The following CCNY variants were observed in gnomAD, a reference collection of about 807,000 sequenced individuals.
The protein encoded by CCNY is cyclin-Y.
In CCNY, 19 loss-of-function variants were observed where a neutral mutation model predicts 42.8. The observed-to-expected ratio is 0.44, with a 90% CI of 0.31 to 0.65. The LOEUF (loss-of-function observed/expected upper bound fraction) is 0.65, where lower values mean the gene tolerates loss of function less well. Ranked by LOEUF, CCNY falls within the 30% of genes least tolerant of loss-of-function variation. CCNY has a pLI of 0.07. For missense variants in CCNY, 370 were observed against 437.3 expected, an observed-to-expected ratio of 0.85 and a Z score of 1.37; for synonymous variants, 165 against 162.7, an observed-to-expected ratio of 1.01 and a Z score of -0.11.
At chr10:35,458,503 A>G (rs953523124) in intron 1 of CCNY, among the ~76,000 whole-genome samples, 1 of 152,192 alleles carries the variant, frequency 6.6e-6, no homozygotes, top group African/African-American at 2.4e-5. Flanking sequence ...TTAGGGTGGC[A>G]CCTTAGTATT....
intron 3 of CCNY, among the ~76,000 whole-genome samples, chr10:35,503,420 TC>T (rs1202054800): frequency 1.3e-5 from 2 of 152,254 alleles, no homozygotes; most frequent in Non-Finnish European, 2.9e-5. Flanking sequence ...TGAACAGACC[TC>T]GCTGCAAATG....
chr10:35,548,647 G>A lies in CCNY; in HGVS notation c.580-4372G>A, dbSNP rs546532665. Reference sequence around the variant, plus strand: ...GTGGAAGTGGATCATCATAAAGGTTGTCATCCTGGTTGTTTTCGCGTTGAG... The same window carrying A: ...GTGGAAGTGGATCATCATAAAGGTTATCATCCTGGTTGTTTTCGCGTTGAG... On this transcript the variant is annotated intron_variant, in intron 7 of 9. Coordinates refer to ENST00000374704, the MANE Select transcript of CCNY (RefSeq NM_145012.6). Among the ~76,000 whole-genome samples the A allele has an allele frequency of 2.0e-5, 3 of 151,720 alleles. 1 individual carries two copies. The highest frequency in any genetic ancestry group is 7.2e-5 in the African/African-American group (3 of 41,446).
intron 3 of CCNY, among the ~76,000 whole-genome samples, chr10:35,270,378 G>A (rs1170532046): frequency 6.6e-6 from 1 of 152,000 alleles, no homozygotes. Flanking sequence ...TTCAAATCTA[G>A]CACAAATAGA....
chr10:35,510,504 A>G (rs1840304394), intron 3 of CCNY, among the ~76,000 whole-genome samples: 1 of 152,228 alleles, frequency 6.6e-6, no homozygotes, highest in South Asian at 2.1e-4. Flanking sequence ...GGCATGAGCT[A>G]CCATGCCTGG....
intron 1 of CCNY, among the ~76,000 whole-genome samples, chr10:35,474,648 C>A (rs1839466113): frequency 6.6e-6 from 1 of 152,056 alleles, no homozygotes; most frequent in Non-Finnish European, 1.5e-5. Flanking sequence ...CCCATCTGTA[C>A]ATCACCATCA....
intron 3 of CCNY, among the ~76,000 whole-genome samples, chr10:35,514,427 C>T (rs1840388311): frequency 6.6e-6 from 1 of 152,202 alleles, no homozygotes; most frequent in African/African-American, 2.4e-5. Context: ...GGGCAGTCCT[C>T]AGGCCAGGGC....
rs142936994 is a variant in CCNY, at chr10:35,247,931, GA to G, written c.-216-168del. 8.2e-3 allele frequency among the ~76,000 whole-genome samples: 1,151 copies of G among 140,470 alleles called. 14 individuals carry two copies. The highest frequency in any genetic ancestry group is 0.024 in the African/African-American group (924 of 38,140). The allele number at this position is 140,470 out of a possible 152,430, so 92.2% of individuals were successfully genotyped here. Reference sequence around the variant, plus strand: ...GAAAGAAAGAAAAGAATAAATAAATGAAAAAAAAAAGAAAAATAGAGAAAGA... The same window carrying G: ...GAAAGAAAGAAAAGAATAAATAAATGAAAAAAAAAGAAAAATAGAGAAAGA... On this transcript the variant is annotated intron_variant, in intron 1 of 11. Transcript: ENST00000374706.
intron 3 of CCNY, among the ~76,000 whole-genome samples, chr10:35,303,761 C>A (rs1467728684): frequency 1.9e-5 from 2 of 102,794 alleles, no homozygotes; most frequent in Non-Finnish European, 3.5e-5. Context: ...TGGGCGACAA[C>A]AGCGAAACTC....
rs1219536181 is a variant in CCNY at position 35,475,808 on chromosome 10, T to C, written c.155-7596T>C. ...TAACACTATTAACTTTAAATGTAAA[T>C]GGACTAAATGCTCCAATTAAAAGAC... On this transcript the variant is annotated intron_variant, in intron 1 of 9. Transcript: ENST00000374704. Among the ~76,000 whole-genome samples the C allele has an allele frequency of 3.3e-5, 5 of 150,980 alleles. No homozygotes were observed. The South Asian group carries it at 1.0e-3, about 32-fold the overall frequency.
chr10:35,254,431 C>T (rs2095714097), intron 3 of CCNY, among the ~76,000 whole-genome samples: 1 of 152,244 alleles, frequency 6.6e-6, no homozygotes, highest in South Asian at 2.1e-4. Flanking sequence ...TGACCGGTTG[C>T]TTTCCTGTGA....
rs908771016 is a variant in CCNY, at chr10:35,572,316, C to T, written c.*3146C>T. 1.3e-5 allele frequency: 2 copies of T among 151,648 alleles called. No homozygotes were observed. The highest frequency in any genetic ancestry group is 4.8e-5 in the African/African-American group (2 of 41,252). The allele number at this position is 151,648 out of a possible 1,614,324, so 9.4% of individuals were successfully genotyped here. A position where few individuals can be genotyped will look rare whatever the true frequency, so the allele number is the denominator to read the frequency against. ...TCTTTTTTTGAGATGGAGTCTCGCT[C>T]TTGTCACCCAGGCTGGTGTGCAATG... On this transcript the variant is annotated 3_prime_UTR_variant, in exon 10 of 10. Transcript: ENST00000374704.
chr10:35,423,300 C>A (rs1838197584), intron 1 of CCNY, among the ~76,000 whole-genome samples: 1 of 152,060 alleles, frequency 6.6e-6, no homozygotes. Context: ...TGTGGCAAAA[C>A]CCCGTCTCTA....
intron 1 of CCNY, among the ~76,000 whole-genome samples, chr10:35,429,462 T>G (rs930207718): frequency 6.6e-6 from 1 of 152,258 alleles, no homozygotes; most frequent in African/African-American, 2.4e-5. Flanking sequence ...TTTTGGGGTC[T>G]TCAATAATTT....
chr10:35,312,333 A>G (rs1037604701), intron 3 of CCNY, among the ~76,000 whole-genome samples: 1 of 136,754 alleles, frequency 7.3e-6, no homozygotes, highest in Admixed American at 7.9e-5. Context: ...GTGAGCCGAG[A>G]TTGCGCCACT....
chr10:35,375,352 G>T (rs1468113859), intron 1 of CCNY, among the ~76,000 whole-genome samples: 1 of 152,146 alleles, frequency 6.6e-6, no homozygotes, highest in Non-Finnish European at 1.5e-5. Context: ...GCCAGCAGTG[G>T]TAGATGGAGT....
chr10:35,284,934 A>T (rs1440500355), intron 3 of CCNY, among the ~76,000 whole-genome samples: 1 of 152,080 alleles, frequency 6.6e-6, no homozygotes, highest in Non-Finnish European at 1.5e-5. Flanking sequence ...TCTTTCTCTT[A>T]TTCAGTTCCA....
chr10:35,395,444 A>G (rs992308384), intron 1 of CCNY, among the ~76,000 whole-genome samples: 2 of 152,196 alleles, frequency 1.3e-5, no homozygotes, highest in Admixed American at 1.3e-4. Context: ...TACTAGAGGT[A>G]ACCTCAGGGG....
chr10:35,310,545 C>T (rs954166083), intron 3 of CCNY, among the ~76,000 whole-genome samples: 9 of 152,156 alleles, frequency 5.9e-5, no homozygotes, highest in African/African-American at 2.2e-4. Context: ...TCCCCTTTCC[C>T]TGTATCCTCA....
intron 3 of CCNY, among the ~76,000 whole-genome samples, chr10:35,508,012 C>T (rs115561930): frequency 4.6e-5 from 7 of 152,120 alleles, no homozygotes; most frequent in South Asian, 2.1e-4. Context: ...TCTGTTTACT[C>T]GTTTTCCCTT....
Sources: gnomAD v4.1 joint callset for allele counts (sites outside exome capture counted in the v4.1 genomes callset) on GRCh38, gnomAD v4.1.1 for gene constraint, MANE v1.5 for transcripts, NCBI Gene and HGNC (gene_info 2026-07-23, HGNC 2026-07-21) for gene names.